CCDC85A: variants seen among roughly 807,000 people sequenced by gnomAD.
CCDC85A encodes the protein coiled-coil domain containing 85A.
Under a neutral mutation model 50.2 loss-of-function variants are expected in CCDC85A, and 38 were observed. The ratio of observed to expected loss-of-function variants is 0.76; its 90% CI spans 0.58 to 0.99. The LOEUF (loss-of-function observed/expected upper bound fraction) is 0.99. CCDC85A is among the 50% of genes least tolerant of loss of function. CCDC85A has a pLI of 0.00. For synonymous variants in CCDC85A, 366 were observed against 301.4 expected (o/e 1.21, Z -2.22); for missense variants, 820 against 742.0 (o/e 1.11, Z -1.22).
chr2:56,278,432 C>G (rs557363644), intron 2 of CCDC85A, among the ~76,000 whole-genome samples: 1 of 152,080 alleles, frequency 6.6e-6, no homozygotes, highest in Non-Finnish European at 1.5e-5. Context: ...CACTTTTAGA[C>G]GCATAGCAAA....
At chr2:56,361,122 C>T (rs755171135) in intron 3 of CCDC85A, among the ~76,000 whole-genome samples, 1 of 152,078 alleles carries the variant, frequency 6.6e-6, no homozygotes, top group Non-Finnish European at 1.5e-5. Flanking sequence ...GGCGTGGTGG[C>T]GGGTGCCTGT....
chr2:56,336,482 A>G (rs1291626304), intron 2 of CCDC85A, among the ~76,000 whole-genome samples: 1 of 152,164 alleles, frequency 6.6e-6, no homozygotes, highest in Non-Finnish European at 1.5e-5. Context: ...AAAATGCTGT[A>G]GTTTGTGTCA....
chr2:56,203,100 C>G (rs1676811952), intron 2 of CCDC85A, among the ~76,000 whole-genome samples: 1 of 152,186 alleles, frequency 6.6e-6, no homozygotes, highest in South Asian at 2.1e-4. Flanking sequence ...ATTGGCAGGG[C>G]AGTCCTCTTC....
At chr2:56,338,049 C>T (rs1454656780) in intron 2 of CCDC85A, among the ~76,000 whole-genome samples, 2 of 152,140 alleles carry the variant, frequency 1.3e-5, no homozygotes, top group African/African-American at 4.8e-5. Flanking sequence ...TCCCAAAGTG[C>T]TGGGATTACA....
intron 2 of CCDC85A, among the ~76,000 whole-genome samples, chr2:56,193,857 C>T (rs1676423437): frequency 6.6e-6 from 1 of 152,106 alleles, no homozygotes; most frequent in Admixed American, 6.5e-5. Flanking sequence ...ATTTTGAATC[C>T]AGTTAATAGG....
intron 2 of CCDC85A, among the ~76,000 whole-genome samples, chr2:56,231,929 G>A (rs1558596774): frequency 6.6e-6 from 1 of 151,964 alleles, no homozygotes; most frequent in Non-Finnish European, 1.5e-5. Flanking sequence ...GGACAGGGAT[G>A]GCCATTCTGT....
chr2:56,292,043 A>G (rs1671735305), intron 2 of CCDC85A, among the ~76,000 whole-genome samples: 1 of 152,114 alleles, frequency 6.6e-6, no homozygotes, highest in Non-Finnish European at 1.5e-5. Flanking sequence ...AACATTTATT[A>G]TTGCATCACA....
chr2:56,282,614 A>G (rs556115772), intron 2 of CCDC85A, among the ~76,000 whole-genome samples: 1 of 152,288 alleles, frequency 6.6e-6, no homozygotes, highest in Admixed American at 6.5e-5. Flanking sequence ...GGCTCAAGCT[A>G]TTCTCCTGCC....
intron 3 of CCDC85A, among the ~76,000 whole-genome samples, chr2:56,367,969 C>CAAAGTCATGCAGCTTGTCT (rs1440827809): frequency 3.7e-4 from 56 of 152,202 alleles, no homozygotes; most frequent in Admixed American, 2.5e-3. Flanking sequence ...ATAGCTTGTC[C>CAAAGTCATGCAGCTTGTCT]AAAGTCATGC....
intron 2 of CCDC85A, among the ~76,000 whole-genome samples, chr2:56,338,573 T>A (rs1055386427): frequency 2.0e-5 from 3 of 152,308 alleles, no homozygotes; most frequent in East Asian, 3.9e-4. Flanking sequence ...TGACTTTTTT[T>A]AAGAAAGTGT....
intron 2 of CCDC85A, among the ~76,000 whole-genome samples, chr2:56,249,986 T>A (rs563799871): frequency 6.6e-6 from 1 of 152,304 alleles, no homozygotes; most frequent in East Asian, 1.9e-4. Context: ...CTTTTGAGGA[T>A]CTTGAAATGG....
chr2:56,193,502 A>C, intron 2 of CCDC85A, 62 bp downstream of exon 2: 1 of 1,485,778 alleles, frequency 6.7e-7, no homozygotes, highest in East Asian at 2.3e-5. Context: ...GTTACGAATG[A>C]TGATGGACTT....
intron 2 of CCDC85A, among the ~76,000 whole-genome samples, chr2:56,275,970 A>G (rs1670917736): frequency 6.6e-6 from 1 of 152,156 alleles, no homozygotes; most frequent in South Asian, 2.1e-4. Flanking sequence ...TGAAGATCCT[A>G]TGGGCTAGCC....
chr2:56,241,887 A>G (rs909099073), intron 2 of CCDC85A, among the ~76,000 whole-genome samples: 2 of 152,112 alleles, frequency 1.3e-5, no homozygotes, highest in African/African-American at 4.8e-5. Context: ...ATTTTTAGTT[A>G]TTTTGAGGAA....
intron 2 of CCDC85A, among the ~76,000 whole-genome samples, chr2:56,311,319 A>G (rs910003933): frequency 1.2e-4 from 18 of 152,210 alleles, no homozygotes; most frequent in Non-Finnish European, 2.2e-4. Context: ...TCAGGTCTCA[A>G]TGCCTCAACC....
intron 2 of CCDC85A, among the ~76,000 whole-genome samples, chr2:56,268,160 A>C (rs568582292): frequency 6.6e-6 from 1 of 152,342 alleles, no homozygotes; most frequent in South Asian, 2.1e-4. Flanking sequence ...TCAAGTTTCT[A>C]AGTTTTTAAG....
chr2:56,270,851 A>G (rs1309276870), intron 2 of CCDC85A, among the ~76,000 whole-genome samples: 1 of 152,210 alleles, frequency 6.6e-6, no homozygotes, highest in Non-Finnish European at 1.5e-5. Flanking sequence ...ACCATGGGAA[A>G]GCCACTAAAT....
intron 5 of CCDC85A, among the ~76,000 whole-genome samples, chr2:56,376,418 T>C (rs1676340256): frequency 1.3e-5 from 2 of 152,316 alleles, no homozygotes; most frequent in East Asian, 1.9e-4. Flanking sequence ...TAAGTAGAAA[T>C]TGGGTTCTCA....
At chr2:56,293,089 C>T (rs140864536) in intron 2 of CCDC85A, among the ~76,000 whole-genome samples, 145 of 152,232 alleles carry the variant, frequency 9.5e-4, no homozygotes, top group African/African-American at 3.1e-3. Context: ...AGAGCTCATG[C>T]CCCCTGGGTA....
Sources: allele counts gnomAD v4.1 joint callset (sites outside exome capture counted in the v4.1 genomes callset), GRCh38; gene constraint gnomAD v4.1.1; transcripts MANE v1.5; gene names NCBI Gene and HGNC (gene_info 2026-07-23, HGNC 2026-07-21).